Variants in KIF21B observed in about 807,000 individuals in gnomAD.
KIF21B encodes kinesin-like protein KIF21B.
Under a neutral mutation model 192.9 loss-of-function variants are expected in KIF21B, and 85 were observed. That is an observed-to-expected ratio of 0.44 (90% confidence interval 0.37 to 0.53). KIF21B has a LOEUF of 0.53. KIF21B is among the 20% of genes least tolerant of loss of function. The probability of loss-of-function intolerance (pLI) is 0.00; values close to 1 mark genes in which losing one functional copy is unlikely to be tolerated. For missense variants in KIF21B, 1,716 were observed against 2,194.8 expected, an observed-to-expected ratio of 0.78 and a Z score of 4.36; for synonymous variants, 832 against 884.6, an observed-to-expected ratio of 0.94 and a Z score of 1.05.
chr1:200,986,186 T>C (rs931027069), intron 26 of KIF21B, among the ~76,000 whole-genome samples: 5 of 151,790 alleles, frequency 3.3e-5, no homozygotes, highest in Admixed American at 2.0e-4. Context: ...TAAAAAGACC[T>C]GAAAGCTCCC....
chr1:200,983,176 G>C, intron 27 of KIF21B, 82 bp from the exon 28 acceptor site: 2 of 1,253,542 alleles, frequency 1.6e-6, no homozygotes, highest in Non-Finnish European at 2.2e-6. Flanking sequence ...GCAGTGTGTG[G>C]GGTGGTCAGA....
chr1:200,973,737 G>A, intron 34 of KIF21B, 159 bp from the exon 35 acceptor site: 2 of 1,475,700 alleles, frequency 1.4e-6, no homozygotes, highest in Non-Finnish European at 1.8e-6. Flanking sequence ...ACTGCAGGTG[G>A]TGGGGTGCTG....
chr1:201,005,775 T>G lies in KIF21B; in HGVS notation c.448-81A>C, dbSNP rs796312905. The stretch of plus-strand genomic sequence containing the variant: ...CTGCCACATGCCTATAAACCATATC[T>G]GTTTTACAGATGTGGAAACTGAGGC... On this transcript the variant is annotated intron_variant, in intron 3 of 34. Transcript: ENST00000461742. The G allele has an allele frequency of 2.2e-5, 31 of 1,418,592 alleles. No individual in the cohort carries two copies. In the African/African-American group the frequency reaches 3.7e-4, roughly 17 times the overall value. The allele number at this position is 1,418,592 out of a possible 1,614,324, so 87.9% of individuals were successfully genotyped here.
rs777421956 is a variant in KIF21B at position 200,977,392 on chromosome 1, A to G, written c.4161-16T>C. ...GCCCGAGGACCTGCCCATCGGAGAA[A>G]GGCAAGGCCAGAGGTCAAAACAATC... On this transcript the variant is annotated splice_polypyrimidine_tract_variant and intron_variant, in intron 30 of 34. Transcript: ENST00000461742. The G allele has an allele frequency of 3.7e-6, 6 of 1,612,132 alleles. No homozygotes were observed. The South Asian group carries it at 6.6e-5, about 18-fold the overall frequency.
intron 23 of KIF21B, 40 bp downstream of exon 23, chr1:200,988,453 T>G (rs761486328): frequency 3.1e-6 from 5 of 1,608,938 alleles, no homozygotes; most frequent in Non-Finnish European, 4.2e-6. Flanking sequence ...CCCAGGTACA[T>G]GCTGTGAGCC....
intron 1 of KIF21B, among the ~76,000 whole-genome samples, chr1:201,022,068 G>A (rs554070407): frequency 6.6e-6 from 1 of 152,338 alleles, no homozygotes; most frequent in South Asian, 2.1e-4. Flanking sequence ...TAGGGTGCAT[G>A]GGTGGGGGTG....
At chr1:200,989,910 G>A (rs1257865253) in intron 21 of KIF21B, 32 bp downstream of exon 21, 14 of 1,548,442 alleles carry the variant, frequency 9.0e-6, no homozygotes, top group Non-Finnish European at 1.2e-5. Flanking sequence ...TGTGCCCATA[G>A]AGCCCCCTGC....
chr1:201,014,185 C>T (rs894124426), intron 1 of KIF21B, among the ~76,000 whole-genome samples: 2 of 152,230 alleles, frequency 1.3e-5, no homozygotes, highest in African/African-American at 4.8e-5. Context: ...TGAGCAGGAG[C>T]GGGTGTGATG....
chr1:201,006,937 GACAGACACAC>G (rs1454706089), intron 3 of KIF21B, among the ~76,000 whole-genome samples: 6 of 101,072 alleles, frequency 5.9e-5, no homozygotes, highest in African/African-American at 2.4e-4. Context: ...CACACACAGA[GACAGACACAC>G]ACAGACACAC....
In KIF21B at chr1:200,981,914, T is replaced by C. The variant is rs557490437; in HGVS notation, c.3843-818A>G. On this transcript the variant is annotated intron_variant, in intron 28 of 34. Transcript: ENST00000461742. ...GTTCTGAAGATGATTTTTTTCTCAG[T>C]GAGGGTCTTTTGGGATGAGACCCTG... Among the ~76,000 whole-genome samples the C allele has an allele frequency of 3.9e-5, 6 of 152,214 alleles. No homozygotes were observed. The East Asian group carries it at 1.2e-3, about 29-fold the overall frequency.
intron 8 of KIF21B, 52 bp downstream of exon 8, chr1:201,003,533 AT>A (rs1415777324): frequency 6.4e-7 from 1 of 1,550,954 alleles, no homozygotes; most frequent in African/African-American, 1.4e-5. Flanking sequence ...GAGGGTGCAT[AT>A]GGAGCACTAG....
Position 200,988,961 on chromosome 1 carries a change from C to A in KIF21B, c.3133-30G>T, listed in dbSNP as rs766300718. ...GGGCAGGGAACAAAGCCTGGAGTTA[C>A]CCCTCCTGGGGGTTGGGAGTCACCC... On this transcript the variant is annotated intron_variant, in intron 21 of 34. Coordinates refer to ENST00000461742, the MANE Select transcript of KIF21B (RefSeq NM_001252102.2). 1.0e-5 allele frequency: 16 copies of A among 1,587,736 alleles called. No homozygotes were observed. The South Asian group carries it at 1.8e-4, about 18-fold the overall frequency.
intron 1 of KIF21B, among the ~76,000 whole-genome samples, chr1:201,013,493 G>A (rs1348819641): frequency 3.3e-5 from 5 of 152,166 alleles, no homozygotes; most frequent in Admixed American, 1.3e-4. Context: ...GGGGGCATGG[G>A]AGGGGGGTCA....
chr1:200,980,126 C>T (rs1188169896), intron 29 of KIF21B, among the ~76,000 whole-genome samples: 9 of 152,232 alleles, frequency 5.9e-5, no homozygotes, highest in Non-Finnish European at 1.0e-4. Flanking sequence ...CAATCAATCA[C>T]ACCTAGATTG....
rs754926550 is a variant in KIF21B, at chr1:200,974,217, A to G, written c.4814+497T>C. ...TCACTGTGTGGGGAGAGAGGCGAGG[A>G]CAGAGAGGAGAGGTGGGAGGAGATG... On this transcript the variant is annotated intron_variant, in intron 34 of 34. Coordinates refer to ENST00000461742, the MANE Select transcript of KIF21B (RefSeq NM_001252102.2). 23 of 1,530,050 alleles carry G rather than the reference A, an allele frequency of 1.5e-5. No individual in the cohort carries two copies. The South Asian group carries it at 2.7e-4, about 18-fold the overall frequency. 94.8% of individuals were successfully genotyped at this position (1,530,050 alleles called of 1,614,324 possible).
chr1:201,002,392 C>A (rs758690029), intron 8 of KIF21B, 42 bp from the exon 9 acceptor site: 1 of 1,586,092 alleles, frequency 6.3e-7, no homozygotes, highest in Non-Finnish European at 8.6e-7. Context: ...CAGCAGAGCT[C>A]GCGGTTGGGG....
chr1:200,992,301 T>C lies in KIF21B; in HGVS notation c.2366A>G (p.Lys789Arg). 6.2e-7 allele frequency: 1 copy of C among 1,612,552 alleles called. No individual in the cohort carries two copies. Among genetic ancestry groups the C allele is most frequent in the South Asian group, 1.1e-5 (1 of 91,090 alleles). ...CCTCACCTCCTGTCGCCGCTGCTCC[T>C]TCTTGAGCTGTGCGATCTCCCGGTT... is the stretch of plus-strand genomic sequence containing the variant. ...KRNREIAQLK[K>R]EQRRQEFQIR... The change falls in exon 16 of 35, where the codon AAG becomes AGG. Residue 789 changes from lysine to arginine, a missense_variant. Lys to Arg is a conservative substitution (Grantham distance 26). Coordinates refer to ENST00000461742, the MANE Select transcript of KIF21B (RefSeq NM_001252102.2).
intron 26 of KIF21B, 104 bp downstream of exon 26, chr1:200,986,740 C>T (rs1324473380): frequency 4.8e-6 from 5 of 1,032,868 alleles, no homozygotes; most frequent in Non-Finnish European, 7.3e-6. Flanking sequence ...GCCCAGGTTA[C>T]ACTGTGTACA....
chr1:201,019,020 C>T (rs544215281), intron 1 of KIF21B, among the ~76,000 whole-genome samples: 14 of 152,154 alleles, frequency 9.2e-5, no homozygotes, highest in African/African-American at 2.7e-4. Flanking sequence ...CTGCAACCTC[C>T]GCCTCCCAGG....
Sources: gnomAD v4.1 joint callset for allele counts (sites outside exome capture counted in the v4.1 genomes callset) on GRCh38, gnomAD v4.1.1 for gene constraint, MANE v1.5 for transcripts, NCBI Gene and HGNC (gene_info 2026-07-23, HGNC 2026-07-21) for gene names.